Variants in KIAA0319L observed in about 807,000 individuals in gnomAD.
KIAA0319L encodes KIAA0319 like, also known as dyslexia-associated protein KIAA0319-like protein.
A neutral mutation model predicts 120.1 loss-of-function variants in KIAA0319L; 55 were observed. That is an observed-to-expected ratio of 0.46 (90% CI 0.37 to 0.57). The LOEUF is 0.57. KIAA0319L is among the 20% of genes least tolerant of loss of function. KIAA0319L has a pLI of 0.00. For synonymous variants in KIAA0319L, 398 were observed against 471.9 expected (o/e 0.84, Z 2.03); for missense variants, 1,049 against 1,255.3 (o/e 0.84, Z 2.48).
intron 2 of KIAA0319L, among the ~76,000 whole-genome samples, chr1:35,540,516 A>G (rs866518583): frequency 1.5e-4 from 23 of 152,320 alleles, no homozygotes; most frequent in Middle Eastern, 6.8e-3. Flanking sequence ...CAAAGGCTGC[A>G]GCTATAGCAC....
intron 9 of KIAA0319L, among the ~76,000 whole-genome samples, chr1:35,456,809 T>TA (rs1157462487): frequency 7.7e-4 from 91 of 117,850 alleles, no homozygotes; most frequent in African/African-American, 2.4e-3. Flanking sequence ...AAACTTCATT[T>TA]AAAAAAAAAA....
At chr1:35,445,165 C>T (rs554109303) in intron 16 of KIAA0319L, among the ~76,000 whole-genome samples, 1 of 152,282 alleles carries the variant, frequency 6.6e-6, no homozygotes, top group Admixed American at 6.5e-5. Context: ...ATACAAGCAG[C>T]CTTCTCTGTT....
At chr1:35,557,449 C>G, upstream of KIAA0319L, 1 of 347,608 alleles carries the variant, frequency 2.9e-6, no homozygotes, top group Non-Finnish European at 5.7e-6. Flanking sequence ...AACACACTCT[C>G]CATGCTAACC....
At chr1:35,512,648 C>T (rs1645499704) in intron 2 of KIAA0319L, among the ~76,000 whole-genome samples, 1 of 151,908 alleles carries the variant, frequency 6.6e-6, no homozygotes, top group African/African-American at 2.4e-5. Context: ...GCAGGCAGAT[C>T]ACTTGAGGTC....
intron 2 of KIAA0319L, among the ~76,000 whole-genome samples, chr1:35,514,334 G>T (rs1410063081): frequency 6.6e-6 from 1 of 150,948 alleles, no homozygotes; most frequent in Non-Finnish European, 1.5e-5. Context: ...AACATTTACT[G>T]TGTTGGAAAG....
intron 4 of KIAA0319L, among the ~76,000 whole-genome samples, chr1:35,475,942 G>A (rs185824482): frequency 8.6e-4 from 131 of 152,288 alleles, no homozygotes; most frequent in Middle Eastern, 3.4e-3. Flanking sequence ...CTTTGCTAAA[G>A]TTATTTCTTT....
At chr1:35,469,143 C>T (rs1340684361) in intron 6 of KIAA0319L, among the ~76,000 whole-genome samples, 1 of 152,186 alleles carries the variant, frequency 6.6e-6, no homozygotes, top group Non-Finnish European at 1.5e-5. Flanking sequence ...ATCCTCCCAC[C>T]TCACCCTCCT....
chr1:35,486,621 C>T (rs1426267555), intron 3 of KIAA0319L, among the ~76,000 whole-genome samples: 3 of 150,818 alleles, frequency 2.0e-5, no homozygotes, highest in Non-Finnish European at 4.4e-5. Flanking sequence ...TATTTTCTGG[C>T]CCGATACAGT....
chr1:35,545,749 G>C (rs544829260), intron 2 of KIAA0319L, among the ~76,000 whole-genome samples: 1 of 152,198 alleles, frequency 6.6e-6, no homozygotes, highest in Non-Finnish European at 1.5e-5. Flanking sequence ...ACAAAAATTA[G>C]CCGGGCGTGG....
At chr1:35,484,656 A>G (rs998192121) in intron 3 of KIAA0319L, among the ~76,000 whole-genome samples, 3 of 151,258 alleles carry the variant, frequency 2.0e-5, no homozygotes, top group African/African-American at 7.3e-5. Flanking sequence ...ATAATTGGCT[A>G]GGACCTCTAC....
intron 3 of KIAA0319L, among the ~76,000 whole-genome samples, chr1:35,492,482 C>A (rs1644634632): frequency 6.6e-6 from 1 of 151,744 alleles, no homozygotes; most frequent in Non-Finnish European, 1.5e-5. Flanking sequence ...CCACTGCATT[C>A]CAGCCTGGGT....
At chr1:35,531,989 G>A (rs578220196) in intron 2 of KIAA0319L, among the ~76,000 whole-genome samples, 14 of 152,174 alleles carry the variant, frequency 9.2e-5, no homozygotes, top group Non-Finnish European at 1.3e-4. Context: ...GGCCTGGCGC[G>A]GTTGCTCAGA....
chr1:35,449,005 CTTAT>C (rs1181563405), intron 15 of KIAA0319L, among the ~76,000 whole-genome samples: 1 of 152,160 alleles, frequency 6.6e-6, no homozygotes, highest in Non-Finnish European at 1.5e-5. Context: ...TTTGGAATGC[CTTAT>C]TTACATACTT....
chr1:35,483,867 T>G (rs1644266577), intron 3 of KIAA0319L, among the ~76,000 whole-genome samples: 1 of 152,248 alleles, frequency 6.6e-6, no homozygotes, highest in Admixed American at 6.5e-5. Context: ...CTGAAGGCCC[T>G]AGAGGAGAAT....
intron 2 of KIAA0319L, among the ~76,000 whole-genome samples, chr1:35,550,575 T>C (rs1647163280): frequency 6.6e-6 from 1 of 152,192 alleles, no homozygotes; most frequent in South Asian, 2.1e-4. Flanking sequence ...AAAAAATACA[T>C]AAATATTTAG....
chr1:35,501,622 A>C (rs1374061269), intron 3 of KIAA0319L, among the ~76,000 whole-genome samples: 1 of 152,164 alleles, frequency 6.6e-6, no homozygotes, highest in Non-Finnish European at 1.5e-5. Flanking sequence ...CACGCCTGTA[A>C]TACCAGCACT....
intron 2 of KIAA0319L, among the ~76,000 whole-genome samples, chr1:35,535,591 T>C (rs553049696): frequency 6.6e-6 from 1 of 152,316 alleles, no homozygotes; most frequent in South Asian, 2.1e-4. Flanking sequence ...TTATTAAAGA[T>C]ATAAAGGAGA....
chr1:35,556,249 G>C (rs1463879038), intron 1 of KIAA0319L, among the ~76,000 whole-genome samples: 10 of 152,166 alleles, frequency 6.6e-5, no homozygotes. Context: ...CAGAGCAGGG[G>C]GTAATGTTTA....
intron 1 of KIAA0319L, among the ~76,000 whole-genome samples, chr1:35,556,050 A>C (rs756260969): frequency 9.9e-5 from 15 of 152,204 alleles, no homozygotes; most frequent in Non-Finnish European, 1.9e-4. Flanking sequence ...CAAACGCAAG[A>C]ACAACAACAC....
Sources: gnomAD v4.1 joint callset for allele counts (sites outside exome capture counted in the v4.1 genomes callset) on GRCh38, gnomAD v4.1.1 for gene constraint, MANE v1.5 for transcripts, NCBI Gene and HGNC (gene_info 2026-07-23, HGNC 2026-07-21) for gene names.